Variants in SPTBN4 observed in about 807,000 individuals in gnomAD.
SPTBN4 encodes spectrin beta chain, non-erythrocytic 4.
SPTBN4 carries 96 observed loss-of-function variants against 277.8 expected under a neutral mutation model. The observed-to-expected ratio is 0.35, with a 90% CI of 0.29 to 0.41. The LOEUF is 0.41. Among genes scored for constraint, SPTBN4 ranks in the 10% least tolerant of loss-of-function variants. SPTBN4 has a pLI of 1.00. For synonymous variants in SPTBN4, 1,481 were observed against 1,580.3 expected (o/e 0.94, Z 1.49); for missense variants, 3,006 against 3,595.7 (o/e 0.84, Z 4.19).
intron 30 of SPTBN4, chr19:40,566,987 C>A (rs113083491): frequency 0.12 from 28,887 of 244,344 alleles, 1,934 homozygotes; most frequent in Non-Finnish European, 0.14. Context: ...AAAAAAACAA[C>A]AAAAAAAAAC....
intron 1 of SPTBN4, among the ~76,000 whole-genome samples, chr19:40,467,552 G>A (rs1015066590): frequency 6.6e-6 from 1 of 151,434 alleles, no homozygotes; most frequent in Non-Finnish European, 1.5e-5. Flanking sequence ...TGGACCGCAG[G>A]GAGAGAGGCG....
intron 20 of SPTBN4, among the ~76,000 whole-genome samples, chr19:40,536,995 TTATCTC>T (rs2080745362): frequency 6.6e-6 from 1 of 151,788 alleles, no homozygotes. Flanking sequence ...TGGCCAGTCT[TTATCTC>T]TATTTATTGA....
In SPTBN4 at chr19:40,554,168, G is replaced by A; in HGVS notation, c.4696G>A (p.Ala1566Thr). The change falls in exon 23 of 36, where the codon GCG (alanine) becomes ACG (threonine). Residue 1566 changes from alanine to threonine, a missense_variant. Ala to Thr is a moderately conservative substitution (Grantham distance 58, BLOSUM62 0). Around this residue, in one of 5 missense-constraint regions of SPTBN4, gnomAD observed 1,759 missense variants for 2,061.5 expected, o/e 0.85. Coordinates refer to ENST00000598249, the MANE Select transcript of SPTBN4 (RefSeq NM_020971.3). This position sits in a 1 kb window ranked among gnomAD's most constrained non-coding sequence, Gnocchi z 5.7. Reference protein sequence around the residue: ...KNQGLRREIQAHGPRLEEVLE... With the variant: ...KNQGLRREIQTHGPRLEEVLE... Reference sequence around the variant, plus strand: ...CCAGGGCCTGCGGCGGGAGATCCAGGCGCATGGGCCGCGCCTGGAGGAGGT... The same window carrying A: ...CCAGGGCCTGCGGCGGGAGATCCAGACGCATGGGCCGCGCCTGGAGGAGGT... 1 of 1,443,510 alleles carries A rather than the reference G, an allele frequency of 6.9e-7. No individual in the cohort carries two copies. Among genetic ancestry groups the A allele is most frequent in the Non-Finnish European group, 9.0e-7 (1 of 1,114,060 alleles). 89.4% of individuals were successfully genotyped at this position (1,443,510 alleles called of 1,614,324 possible). A position where few individuals can be genotyped will look rare whatever the true frequency, so the allele number is the denominator to read the frequency against.
At chr19:40,557,002 C>CCG in intron 25 of SPTBN4, 21 bp from the exon 26 acceptor site, 2 of 1,524,988 alleles carry the variant, frequency 1.3e-6, no homozygotes, top group Non-Finnish European at 8.8e-7. Context: ...CTGTACCCCC[C>CCG]CCCCCACTTC....
intron 33 of SPTBN4, 44 bp from the exon 34 acceptor site, chr19:40,571,975 C>CA: frequency 6.7e-7 from 1 of 1,503,160 alleles, no homozygotes; most frequent in Non-Finnish European, 8.9e-7. Flanking sequence ...AGTTATTAGG[C>CA]AGAGTGCTGC....
At chr19:40,480,284 G>A (rs1326367752) in intron 2 of SPTBN4, among the ~76,000 whole-genome samples, 1 of 151,826 alleles carries the variant, frequency 6.6e-6, no homozygotes, top group African/African-American at 2.4e-5. Context: ...GCTGGGTGTG[G>A]TGGCATGAGC....
chr19:40,502,959 G>A lies in SPTBN4; in HGVS notation c.1362+26G>A, dbSNP rs772250506. On this transcript the variant is annotated intron_variant, in intron 11 of 35. Transcript: ENST00000598249. This position sits in a 1 kb window ranked among gnomAD's most constrained non-coding sequence, Gnocchi z 4.9. Reference sequence around the variant, plus strand: ...GTACAAGGTGTAGGGCTTGGCTCCAGGGTAAAGGGACGGAGGGCGGGGCTG... The same window carrying A: ...GTACAAGGTGTAGGGCTTGGCTCCAAGGTAAAGGGACGGAGGGCGGGGCTG... 2.5e-6 allele frequency: 4 copies of A among 1,610,172 alleles called. No homozygotes were observed. In the Admixed American group the frequency reaches 5.0e-5, roughly 20 times the overall value.
rs895841839 is a variant in SPTBN4 at position 40,467,093 on chromosome 19, C to G, written c.-228C>G. ...GGCGGCGGGGCGCGGGGACCGCGGG[C>G]GGGAGGGGGTCCCGGGGGCGCGCTG... On this transcript the variant is annotated 5_prime_UTR_variant, in exon 1 of 36. Coordinates refer to ENST00000598249, the MANE Select transcript of SPTBN4 (RefSeq NM_020971.3). The G allele has an allele frequency of 2.0e-5, 3 of 149,730 alleles. No individual in the cohort carries two copies. The highest frequency in any genetic ancestry group is 2.0e-4 in the East Asian group (1 of 5,112). The allele number at this position is 149,730 out of a possible 1,614,324, so 9.3% of individuals were successfully genotyped here. A position where few individuals can be genotyped will look rare whatever the true frequency, so the allele number is the denominator to read the frequency against.
At chr19:40,546,261 AAAAAG>A (rs903829749) in intron 20 of SPTBN4, among the ~76,000 whole-genome samples, 14 of 152,020 alleles carry the variant, frequency 9.2e-5, no homozygotes, top group Middle Eastern at 3.4e-3. Flanking sequence ...AAAGAAAAGA[AAAAAG>A]AAAAGGAAGT....
At chr19:40,479,115 T>C (rs2079980854) in intron 2 of SPTBN4, among the ~76,000 whole-genome samples, 1 of 152,068 alleles carries the variant, frequency 6.6e-6, no homozygotes, top group Non-Finnish European at 1.5e-5. Context: ...GCTTTTATTT[T>C]GAGGCAGAGT....
intron 2 of SPTBN4, among the ~76,000 whole-genome samples, chr19:40,481,515 G>A (rs562341597): frequency 3.3e-5 from 5 of 152,178 alleles, no homozygotes; most frequent in East Asian, 1.9e-4. Flanking sequence ...CCACTCTGTC[G>A]CCCAGGCTGG....
chr19:40,532,014 A>T (rs537577433), intron 18 of SPTBN4, among the ~76,000 whole-genome samples: 1 of 150,830 alleles, frequency 6.6e-6, no homozygotes, highest in Non-Finnish European at 1.5e-5. Flanking sequence ...TCGATTATGG[A>T]GGATGGGTCT....
Position 40,564,049 on chromosome 19 carries a change from AAAAC to A in SPTBN4, c.5916-1354_5916-1351del, listed in dbSNP as rs796822454. On this transcript the variant is annotated intron_variant, in intron 27 of 35. Coordinates refer to ENST00000598249, the MANE Select transcript of SPTBN4 (RefSeq NM_020971.3). Reference sequence around the variant, plus strand: ...GCAAGAAGAGCAAATCTCTGTCTCAAAAACAAACAAACAAACAAACAAAGGCTGG... The same window carrying A: ...GCAAGAAGAGCAAATCTCTGTCTCAAAAACAAACAAACAAACAAAGGCTGG... Among the ~76,000 whole-genome samples the A allele has an allele frequency of 9.1e-3, 1,382 of 152,040 alleles. 19 individuals carry two copies. Among genetic ancestry groups the A allele is most frequent in the African/African-American group, 0.023 (945 of 41,458 alleles).
intron 22 of SPTBN4, among the ~76,000 whole-genome samples, chr19:40,553,298 A>G (rs2080939021): frequency 6.6e-6 from 1 of 152,120 alleles, no homozygotes; most frequent in South Asian, 2.1e-4. Context: ...TGAGTAACAT[A>G]GCAAGACCTC....
Position 40,519,684 on chromosome 19 carries a change from G to A in SPTBN4, c.3187G>A (p.Ala1063Thr). 1.4e-6 allele frequency: 2 copies of A among 1,390,348 alleles called. No individual in the cohort carries two copies. The highest frequency in any genetic ancestry group is 1.5e-5 in the African/African-American group (1 of 65,608). The allele number at this position is 1,390,348 out of a possible 1,614,324, so 86.1% of individuals were successfully genotyped here. Residue 1063 changes from alanine (A) to threonine (T), a missense_variant, in exon 16 of 36, where the codon GCG (alanine) becomes ACG (threonine). Coordinates refer to ENST00000598249, the MANE Select transcript of SPTBN4 (RefSeq NM_020971.3). The surrounding 1 kb of genome is among the most constrained non-coding windows in gnomAD (Gnocchi z 5.7). ...PAQAARLHQG[A>T]EELGAEWGAL... ...GCAGGCGGCGCGGCTGCACCAGGGCGCGGAGGAGCTGGGCGCCGAGTGGGG... is the reference window on the plus strand; with the variant it reads ...GCAGGCGGCGCGGCTGCACCAGGGCACGGAGGAGCTGGGCGCCGAGTGGGG...
Position 40,576,251 on chromosome 19 carries a change from C to G in SPTBN4, c.*682C>G, listed in dbSNP as rs1005532462. 2.6e-5 allele frequency: 4 copies of G among 152,676 alleles called. No individual in the cohort carries two copies. The highest frequency in any genetic ancestry group is 1.9e-4 in the East Asian group (1 of 5,186). The allele number at this position is 152,676 out of a possible 1,614,324, so 9.5% of individuals were successfully genotyped here. A position where few individuals can be genotyped will look rare whatever the true frequency, so the allele number is the denominator to read the frequency against. On this transcript the variant is annotated 3_prime_UTR_variant, in exon 36 of 36. Coordinates refer to ENST00000598249, the MANE Select transcript of SPTBN4 (RefSeq NM_020971.3). ...AAAACTGTTTTCCTCTCTCCTCCCCCCTCCAGTTGTAAATGCCACTTCATG... is the reference window on the plus strand; with the variant it reads ...AAAACTGTTTTCCTCTCTCCTCCCCGCTCCAGTTGTAAATGCCACTTCATG...
Position 40,503,832 on chromosome 19 carries a change from C to T in SPTBN4, c.1365C>T (p.Asp455=). ...LNENQRLVSQ[D]NFGYELPAVE... ...GAGTGTCTGGCTCACTGCCCCAGGA[C>T]AACTTTGGGTATGAGCTGCCCGCAG... Residue 455 remains aspartate (D), a splice_region_variant and synonymous_variant, in exon 12 of 36, where the codon GAC becomes GAT. Transcript: ENST00000598249. The T allele has an allele frequency of 6.3e-7, 1 of 1,578,364 alleles. No individual in the cohort carries two copies. The highest frequency in any genetic ancestry group is 8.6e-7 in the Non-Finnish European group (1 of 1,158,230).
Position 40,529,028 on chromosome 19 carries a change from TC to T in SPTBN4, c.3858-9del. On this transcript the variant is annotated splice_polypyrimidine_tract_variant and intron_variant, in intron 17 of 35. Transcript: ENST00000598249. The stretch of plus-strand genomic sequence containing the variant: ...CCGGGGCCTTTCCCCAGCCCTTATC[TC>T]CCCATCCCCAGGAACCAAGAAAACC... The T allele has an allele frequency of 6.2e-7, 1 of 1,612,304 alleles. No homozygotes were observed. Among genetic ancestry groups the T allele is most frequent in the Non-Finnish European group, 8.5e-7 (1 of 1,178,942 alleles).
chr19:40,540,286 A>G (rs1304512262), intron 20 of SPTBN4, among the ~76,000 whole-genome samples: 1 of 152,170 alleles, frequency 6.6e-6, no homozygotes, highest in Non-Finnish European at 1.5e-5. Flanking sequence ...TACTGTTTTC[A>G]AAAGCTAGTT....
Sources: gnomAD v4.1 joint callset for allele counts (sites outside exome capture counted in the v4.1 genomes callset) on GRCh38, gnomAD v4.1.1 for gene constraint, gnomAD v4.1.1 regional missense constraint, Gnocchi (gnomAD v3.1) non-coding constraint, MANE v1.5 for transcripts, NCBI Gene and HGNC (gene_info 2026-07-23, HGNC 2026-07-21) for gene names.